PLIN5: variants seen among roughly 807,000 people sequenced by gnomAD.
PLIN5 encodes perilipin 5.
A neutral mutation model predicts 32.8 loss-of-function variants in PLIN5; 34 were observed. That is an observed-to-expected ratio of 1.04 (90% CI 0.79 to 1.38). The LOEUF is 1.38. PLIN5 is among the 40% of genes most tolerant of loss of function. The probability of loss-of-function intolerance (pLI) is 0.00; values close to 1 mark genes in which losing one functional copy is unlikely to be tolerated. For synonymous variants in PLIN5, 309 were observed against 292.9 expected, an observed-to-expected ratio of 1.05 and a Z score of -0.56; for missense variants, 712 against 660.5, an observed-to-expected ratio of 1.08 and a Z score of -0.85.
At chr19:4,534,305 C>G in intron 1 of PLIN5, 1 of 575,178 alleles carries the variant, frequency 1.7e-6, no homozygotes, top group Non-Finnish European at 3.1e-6. Context: ...GTAGGGTTGC[C>G]GGAGTGACTC....
At chr19:4,524,531 G>A (rs1299683683) in intron 7 of PLIN5, among the ~76,000 whole-genome samples, 1 of 152,118 alleles carries the variant, frequency 6.6e-6, no homozygotes, top group Non-Finnish European at 1.5e-5. Flanking sequence ...CAGCCTGGGC[G>A]ACAGAGACAG....
chr19:4,525,905 C>T lies in PLIN5; in HGVS notation c.521-73G>A, dbSNP rs931707984. 14 of 531,432 alleles carry T rather than the reference C, an allele frequency of 2.6e-5. 1 individual carries two copies. Among genetic ancestry groups the T allele is most frequent in the African/African-American group, 2.2e-4 (8 of 36,730 alleles). The allele number at this position is 531,432 out of a possible 1,614,324, so 32.9% of individuals were successfully genotyped here. On this transcript the variant is annotated intron_variant, in intron 5 of 7. Transcript: ENST00000381848. The surrounding 1 kb of genome is among the most constrained non-coding windows in gnomAD (Gnocchi z 5.6). ...GCACGGGGACAGGATACGGGGACAG[C>T]ACGGGGACAGGATACGGGGACAGCA...
At chr19:4,526,253 GCT>G (rs970327165) in intron 5 of PLIN5, among the ~76,000 whole-genome samples, 42 of 151,784 alleles carry the variant, frequency 2.8e-4, no homozygotes, top group Non-Finnish European at 5.4e-4. Context: ...ATGGAGTCTC[GCT>G]CTGTCCCCTA....
At chr19:4,530,447 C>T (rs931697085) in intron 3 of PLIN5, among the ~76,000 whole-genome samples, 8 of 152,246 alleles carry the variant, frequency 5.3e-5, no homozygotes, top group Admixed American at 3.3e-4. Context: ...TGTAGTCCCC[C>T]GCCTGTCATC....
intron 1 of PLIN5, chr19:4,534,333 G>T: frequency 1.9e-6 from 1 of 528,290 alleles, no homozygotes; most frequent in Non-Finnish European, 3.4e-6. Context: ...GGTCTCTGAG[G>T]TGAGAAAGAC....
At chr19:4,528,954 T>C (rs1976842200) in intron 5 of PLIN5, 119 bp downstream of exon 5, 22 of 1,129,998 alleles carry the variant, frequency 1.9e-5, no homozygotes, top group Non-Finnish European at 2.6e-5. Flanking sequence ...TTTTGAGTTG[T>C]ATGTTTCCTG....
chr19:4,529,933 T>C (rs959185901), intron 3 of PLIN5, 67 bp from the exon 4 acceptor site: 6 of 1,000,646 alleles, frequency 6.0e-6, no homozygotes, highest in Non-Finnish European at 8.9e-6. Flanking sequence ...GCAGTGAGAG[T>C]TGTAGAAGGA....
At chr19:4,533,611 A>G (rs778857047) in intron 2 of PLIN5, 21 of 346,162 alleles carry the variant, frequency 6.1e-5, no homozygotes, top group Non-Finnish European at 8.9e-5. Context: ...ATGGGTTACT[A>G]GGGTTGTGAT....
chr19:4,523,441 G>A lies in PLIN5; in HGVS notation c.*87C>T. ...ATTCCAAAGAAGGGTCAAGGCCAAG[G>A]CCTCGAGCTTACGTGTGGCCACCAG... On this transcript the variant is annotated 3_prime_UTR_variant, in exon 8 of 8. Coordinates refer to ENST00000381848, the MANE Select transcript of PLIN5 (RefSeq NM_001013706.3). This position sits in a 1 kb window ranked among gnomAD's most constrained non-coding sequence, Gnocchi z 5.0. 7.0e-7 allele frequency: 1 copy of A among 1,423,886 alleles called. No homozygotes were observed. Among genetic ancestry groups the A allele is most frequent in the Non-Finnish European group, 9.4e-7 (1 of 1,063,450 alleles). The allele number at this position is 1,423,886 out of a possible 1,614,324, so 88.2% of individuals were successfully genotyped here.
At chr19:4,524,114 C>G (rs1242224826) in intron 7 of PLIN5, 29 bp from the exon 8 acceptor site, 4 of 1,392,420 alleles carry the variant, frequency 2.9e-6, no homozygotes, top group Non-Finnish European at 3.7e-6. Flanking sequence ...TCAGTTTCCC[C>G]TATGGACGCC....
In PLIN5 at chr19:4,531,722, C is replaced by T; in HGVS notation, c.161G>A (p.Gly54Asp). Residue 54 changes from glycine to aspartate, a missense_variant, in exon 3 of 8, where the codon GGC (glycine) becomes GAC (aspartate). By Grantham distance (94) the Gly-to-Asp change is moderately conservative. Coordinates refer to ENST00000381848, the MANE Select transcript of PLIN5 (RefSeq NM_001013706.3). The stretch of plus-strand genomic sequence containing the variant: ...GTTCTCAGCCAGGCGGCAGGCGGAG[C>T]CCAGCAGCGGGTGCCTGTCCTTGGC... ...SAAKDRHPLL[G>D]SACRLAENCV... is the part of the protein sequence containing the mutation. The T allele has an allele frequency of 1.3e-6, 2 of 1,591,228 alleles. No homozygotes were observed. Among genetic ancestry groups the T allele is most frequent in the South Asian group, 1.1e-5 (1 of 87,574 alleles).
chr19:4,529,523 C>CTTATACGTAT, intron 4 of PLIN5: 1 of 502,226 alleles, frequency 2.0e-6, no homozygotes, highest in Non-Finnish European at 3.5e-6. Flanking sequence ...TATATATACA[C>CTTATACGTAT]ATATACATAT....
Position 4,525,356 on chromosome 19 carries a change from GAGGA to G in PLIN5, c.720+273_720+276del, listed in dbSNP as rs1976787838. On this transcript the variant is annotated intron_variant, in intron 6 of 7. Coordinates refer to ENST00000381848, the MANE Select transcript of PLIN5 (RefSeq NM_001013706.3). The surrounding 1 kb of genome is among the most constrained non-coding windows in gnomAD (Gnocchi z 5.6). ...CTGAGGATGGGAGGATTCTGATGAGGAGGAAGGCTCTCTTCTGACCTACCCTAAC... is the reference window on the plus strand; with the variant it reads ...CTGAGGATGGGAGGATTCTGATGAGGAGGCTCTCTTCTGACCTACCCTAAC... Among the ~76,000 whole-genome samples, 2 of 152,096 alleles carry G rather than the reference GAGGA, an allele frequency of 1.3e-5. No homozygotes were observed. Among genetic ancestry groups the G allele is most frequent in the African/African-American group, 4.8e-5 (2 of 41,406 alleles).
rs776712460 is a variant in PLIN5, at chr19:4,525,664, G to A, written c.689C>T (p.Thr230Ile). The A allele has an allele frequency of 6.8e-6, 11 of 1,613,606 alleles. No individual in the cohort carries two copies. The South Asian group carries it at 1.1e-4, about 16-fold the overall frequency. Residue 230 changes from threonine to isoleucine, a missense_variant, in exon 6 of 8, where the codon ACC (threonine) becomes ATC (isoleucine). Physicochemically the swap from Thr to Ile is moderately conservative, Grantham distance 89. Transcript: ENST00000381848. The surrounding 1 kb of genome is among the most constrained non-coding windows in gnomAD (Gnocchi z 5.6). ...LRQSKHRAQD[T>I]LAQLQETLEL... The stretch of plus-strand genomic sequence containing the variant: ...CAGCGTCTCCTGCAGCTGGGCCAGG[G>A]TGTCCTGGGCACGGTGTTTGCTCTG...
At chr19:4,534,706 T>C (rs1976926261) in intron 1 of PLIN5, among the ~76,000 whole-genome samples, 1 of 152,134 alleles carries the variant, frequency 6.6e-6, no homozygotes, top group Non-Finnish European at 1.5e-5. Flanking sequence ...TTCACCTCTC[T>C]GGGCTGCTTC....
chr19:4,534,167 T>C lies in PLIN5; in HGVS notation c.-21-72A>G. 5 of 1,333,268 alleles carry C rather than the reference T, an allele frequency of 3.8e-6. No individual in the cohort carries two copies. The South Asian group carries it at 3.8e-5, about 10-fold the overall frequency. The allele number at this position is 1,333,268 out of a possible 1,614,324, so 82.6% of individuals were successfully genotyped here. A position where few individuals can be genotyped will look rare whatever the true frequency, so the allele number is the denominator to read the frequency against. On this transcript the variant is annotated intron_variant, in intron 1 of 7. Transcript: ENST00000381848. ...TCCTGTCAAATTGGGCTCTGTGACT[T>C]GAGCAACTCTCAAACCTCTTGGGGC...
intron 7 of PLIN5, among the ~76,000 whole-genome samples, chr19:4,524,487 G>A (rs898404562): frequency 7.9e-5 from 12 of 152,186 alleles, no homozygotes; most frequent in African/African-American, 2.9e-4. Flanking sequence ...GGGAGGCGGA[G>A]GTTGCAGTGA....
At position 4,525,909 on chromosome 19, in the gene PLIN5, G is replaced by A. The variant is rs1381316438; in HGVS notation, c.521-77C>T. On this transcript the variant is annotated intron_variant, in intron 5 of 7. Transcript: ENST00000381848. This position sits in a 1 kb window ranked among gnomAD's most constrained non-coding sequence, Gnocchi z 5.6. ...GGGGACAGGATACGGGGACAGCACG[G>A]GGACAGGATACGGGGACAGCACGGG... is the stretch of plus-strand genomic sequence containing the variant. 1 of 524,522 alleles carries A rather than the reference G, an allele frequency of 1.9e-6. No individual in the cohort carries two copies. Among genetic ancestry groups the A allele is most frequent in the Non-Finnish European group, 3.4e-6 (1 of 295,366 alleles). 32.5% of individuals were successfully genotyped at this position (524,522 alleles called of 1,614,324 possible).
rs1030539612 is a variant in PLIN5, at chr19:4,531,804, CCA to C, written c.77_78del (p.Val26GlyfsTer35). 9 of 1,571,434 alleles carry C rather than the reference CCA, an allele frequency of 5.7e-6. No individual in the cohort carries two copies. Among genetic ancestry groups the C allele is most frequent in the Non-Finnish European group, 7.8e-6 (9 of 1,158,992 alleles). ...GTGGCCCTGACCAGGGGCAGAGCCA[CCA>C]CACGCTGCACCACGTTCTGCGGGAA... ...EQDQQNVVQR[V>X]VALPLVRATC... On this transcript the variant is annotated frameshift_variant, in exon 3 of 8. Transcript: ENST00000381848. LOFTEE classifies it high-confidence loss of function.
Sources: gnomAD v4.1 joint callset for allele counts (sites outside exome capture counted in the v4.1 genomes callset) on GRCh38, gnomAD v4.1.1 for gene constraint, Gnocchi (gnomAD v3.1) non-coding constraint, MANE v1.5 for transcripts, NCBI Gene and HGNC (gene_info 2026-07-23, HGNC 2026-07-21) for gene names.